The following RABGEF1 variants were observed in gnomAD, a reference collection of about 807,000 sequenced individuals.
The protein encoded by RABGEF1 is RAB guanine nucleotide exchange factor 1.
A neutral mutation model predicts 57.3 loss-of-function variants in RABGEF1; 26 were observed. That is an observed-to-expected ratio of 0.45 (90% confidence interval 0.33 to 0.63). The LOEUF (loss-of-function observed/expected upper bound fraction) is 0.63, where lower values mean the gene tolerates loss of function less well. Among genes scored for constraint, RABGEF1 ranks in the 20% least tolerant of loss-of-function variants. The probability of loss-of-function intolerance (pLI) is 0.02; values close to 1 mark genes in which losing one functional copy is unlikely to be tolerated. For synonymous variants in RABGEF1, 185 were observed against 210.7 expected (o/e 0.88, Z 1.06); for missense variants, 464 against 607.6 (o/e 0.76, Z 2.48).
At chr7:66,802,941 A>G (rs1043212387) in intron 7 of RABGEF1, among the ~76,000 whole-genome samples, 12 of 152,266 alleles carry the variant, frequency 7.9e-5, no homozygotes, top group African/African-American at 2.7e-4. Context: ...TAGTTTAAAT[A>G]AAAGAGAGAA....
upstream of RABGEF1, among the ~76,000 whole-genome samples, chr7:66,679,353 G>A (rs988269424): frequency 6.6e-6 from 1 of 152,152 alleles, no homozygotes; most frequent in African/African-American, 2.4e-5. Flanking sequence ...CTGTCACCCA[G>A]GCTGGAGTGC....
intron 1 of RABGEF1, among the ~76,000 whole-genome samples, chr7:66,685,765 A>G (rs1433546763): frequency 6.6e-6 from 1 of 152,228 alleles, no homozygotes; most frequent in African/African-American, 2.4e-5. Flanking sequence ...TATACAACTA[A>G]GATTCTGTTT....
At chr7:66,681,010 G>A (rs1789679239), upstream of RABGEF1, among the ~76,000 whole-genome samples, 1 of 150,998 alleles carries the variant, frequency 6.6e-6, no homozygotes, top group South Asian at 2.1e-4. Context: ...TTGAACCTAG[G>A]AGGCGGAGTT....
At chr7:66,733,697 C>CAACAA (rs1554310967) in intron 2 of RABGEF1, among the ~76,000 whole-genome samples, 8 of 151,138 alleles carry the variant, frequency 5.3e-5, no homozygotes, top group South Asian at 2.1e-4. Context: ...GGCTCCATCT[C>CAACAA]AACAAAACAA....
At position 66,810,854 on chromosome 7, in the gene RABGEF1, A is replaced by G. The variant is rs1033150397; in HGVS notation, c.*1570A>G. ...ACTTTGGAATAAAACCAGGGTGGGT[A>G]TAAAACTTCTTATTCTTAAATTTAC... On this transcript the variant is annotated 3_prime_UTR_variant, in exon 9 of 9. Coordinates refer to ENST00000284957, the MANE Select transcript of RABGEF1 (RefSeq NM_014504.3). 7 of 152,242 alleles carry G rather than the reference A, an allele frequency of 4.6e-5. No homozygotes were observed. The highest frequency in any genetic ancestry group is 7.2e-5 in the African/African-American group (3 of 41,474). 9.4% of individuals were successfully genotyped at this position (152,242 alleles called of 1,614,324 possible). A position where few individuals can be genotyped will look rare whatever the true frequency, so the allele number is the denominator to read the frequency against.
Position 66,809,091 on chromosome 7 carries a change from T to C in RABGEF1, c.1283T>C (p.Met428Thr), listed in dbSNP as rs769221072. 6 of 1,613,998 alleles carry C rather than the reference T, an allele frequency of 3.7e-6. No individual in the cohort carries two copies. Among genetic ancestry groups the C allele is most frequent in the African/African-American group, 2.7e-5 (2 of 74,898 alleles). ...TTGAATGAACGACAAGAAAGGATCA[T>C]GAATGAAGCCAAGAAACTGGAAAAA... ...SQLNERQERI[M>T]NEAKKLEKDL... Residue 428 changes from methionine to threonine, a missense_variant, in exon 9 of 9, where the codon ATG (methionine) becomes ACG (threonine). Met to Thr is a moderately conservative substitution (Grantham distance 81, BLOSUM62 -1). Transcript: ENST00000284957.
the RABGEF1 span, among the ~76,000 whole-genome samples, chr7:66,664,203 T>A: frequency 6.6e-6 from 1 of 151,774 alleles, no homozygotes; most frequent in South Asian, 2.1e-4. Context: ...TTTGGTGGAA[T>A]GGGGTGACAG....
At chr7:66,743,736 C>T (rs768039223) in intron 1 of RABGEF1, among the ~76,000 whole-genome samples, 9 of 152,230 alleles carry the variant, frequency 5.9e-5, no homozygotes, top group South Asian at 2.1e-4. Context: ...CTCCTGACCT[C>T]GTGATCCGCC....
Position 66,713,382 on chromosome 7 carries a change from C to A in RABGEF1, c.-815+1158C>A, listed in dbSNP as rs547418961. 2.0e-5 allele frequency among the ~76,000 whole-genome samples: 3 copies of A among 152,040 alleles called. No individual in the cohort carries two copies. The East Asian group carries it at 5.8e-4, about 29-fold the overall frequency. ...TGACCTCGTGATCGGCCCGCCTTGG[C>A]CCTCCAAAGTGCTGGGATTACAGGC... On this transcript the variant is annotated intron_variant and NMD_transcript_variant, in intron 2 of 9. Transcript: ENST00000607882.
the RABGEF1 span, among the ~76,000 whole-genome samples, chr7:66,654,983 C>T: frequency 1.2e-4 from 19 of 152,264 alleles, 1 homozygote; most frequent in Admixed American, 1.0e-3. Flanking sequence ...CTCTCACTTC[C>T]CCGTCCAGGA....
intron 1 of RABGEF1, among the ~76,000 whole-genome samples, chr7:66,754,448 C>G (rs1802230964): frequency 6.7e-6 from 1 of 148,352 alleles, no homozygotes; most frequent in Non-Finnish European, 1.5e-5. Context: ...TCTATTATTT[C>G]TGTTGAGAAT....
In RABGEF1 at chr7:66,810,082, T is replaced by C. The variant is rs1789247994; in HGVS notation, c.*798T>C. On this transcript the variant is annotated 3_prime_UTR_variant, in exon 9 of 9. Transcript: ENST00000284957. Reference sequence around the variant, plus strand: ...ATTCATTCAGCAAATCTCTATTGAGTTCTTCAGTGAGAAGGAGCAGGCACT... The same window carrying C: ...ATTCATTCAGCAAATCTCTATTGAGCTCTTCAGTGAGAAGGAGCAGGCACT... 1 of 152,180 alleles carries C rather than the reference T, an allele frequency of 6.6e-6. No homozygotes were observed. Among genetic ancestry groups the C allele is most frequent in the Non-Finnish European group, 1.5e-5 (1 of 68,026 alleles). The allele number at this position is 152,180 out of a possible 1,614,324, so 9.4% of individuals were successfully genotyped here.
chr7:66,707,516 T>G (rs79799645), intron 1 of RABGEF1, among the ~76,000 whole-genome samples: 5,994 of 152,194 alleles, frequency 0.039, 165 homozygotes, highest in East Asian at 0.085. Flanking sequence ...GGGGAAACCC[T>G]GTCTCTACTA....
intron 1 of RABGEF1, among the ~76,000 whole-genome samples, chr7:66,688,881 T>G (rs1791104510): frequency 1.3e-5 from 2 of 152,044 alleles, no homozygotes; most frequent in Admixed American, 1.3e-4. Flanking sequence ...TCACCTGAGG[T>G]CAGGAGTTCA....
intron 2 of RABGEF1, among the ~76,000 whole-genome samples, chr7:66,720,267 G>A (rs187272835): frequency 1.1e-3 from 159 of 148,334 alleles, no homozygotes; most frequent in African/African-American, 3.5e-3. Flanking sequence ...GCGCGATCTC[G>A]GCTCACTGTA....
chr7:66,761,633 C>T (rs4279493), intron 1 of RABGEF1, among the ~76,000 whole-genome samples: 76,285 of 151,966 alleles, frequency 0.5, 20,085 homozygotes, highest in East Asian at 0.74. Context: ...CCTCAGAGTA[C>T]AGAGCTGGAC....
chr7:66,772,978 G>T (rs1248337678), intron 2 of RABGEF1, among the ~76,000 whole-genome samples: 1 of 151,776 alleles, frequency 6.6e-6, no homozygotes, highest in Non-Finnish European at 1.5e-5. Flanking sequence ...CTAATAAAAT[G>T]CCATGAATAA....
At chr7:66,738,352 T>C (rs541318560), upstream of RABGEF1, among the ~76,000 whole-genome samples, 6 of 152,118 alleles carry the variant, frequency 3.9e-5, no homozygotes, top group South Asian at 8.4e-4. Flanking sequence ...CAAAGAAACT[T>C]TGAAATGATA....
chr7:66,703,411 T>C (rs549325673), intron 1 of RABGEF1, among the ~76,000 whole-genome samples: 1 of 152,346 alleles, frequency 6.6e-6, no homozygotes, highest in East Asian at 1.9e-4. Flanking sequence ...CTAAGAATTC[T>C]ACAATTTTAG....
Sources: gnomAD v4.1 joint callset for allele counts (sites outside exome capture counted in the v4.1 genomes callset) on GRCh38, gnomAD v4.1.1 for gene constraint, MANE v1.5 for transcripts, NCBI Gene and HGNC (gene_info 2026-07-23, HGNC 2026-07-21) for gene names.